Variants in LAMA1 observed in about 807,000 individuals in gnomAD.
LAMA1 encodes the protein laminin subunit alpha 1.
A neutral mutation model predicts 348.7 loss-of-function variants in LAMA1; 219 were observed. The observed-to-expected ratio is 0.63, with a 90% CI of 0.56 to 0.70. The LOEUF is 0.70. Ranked by LOEUF, LAMA1 falls within the 30% of genes least tolerant of loss-of-function variation. LAMA1 has a pLI of 0.00. For missense variants in LAMA1, 3,744 were observed against 3,888.0 expected (o/e 0.96, Z 0.99); for synonymous variants, 1,487 against 1,491.0 (o/e 1.00, Z 0.06).
At chr18:6,997,081 C>CTTTTTCTTTTTT in intron 33 of LAMA1, among the ~76,000 whole-genome samples, 1 of 149,876 alleles carries the variant, frequency 6.7e-6, no homozygotes, top group South Asian at 2.1e-4. Flanking sequence ...TTTTCTTTTT[C>CTTTTTCTTTTTT]TGAGATGGAG....
intron 1 of LAMA1, among the ~76,000 whole-genome samples, chr18:7,106,437 A>G (rs1454149587): frequency 6.7e-6 from 1 of 150,034 alleles, no homozygotes; most frequent in Non-Finnish European, 1.5e-5. Context: ...TCAGCTCACT[A>G]CAACCTCCAC....
intron 1 of LAMA1, among the ~76,000 whole-genome samples, chr18:7,092,498 C>T (rs963641242): frequency 2.0e-5 from 3 of 151,920 alleles, no homozygotes; most frequent in African/African-American, 4.8e-5. Flanking sequence ...TGGTGGCACG[C>T]ACTGTAGTCG....
chr18:7,114,738 C>T (rs955462417), intron 1 of LAMA1, among the ~76,000 whole-genome samples: 2 of 152,040 alleles, frequency 1.3e-5, no homozygotes, highest in African/African-American at 2.4e-5. Context: ...GTTATTTCCC[C>T]ATAACAATTT....
chr18:7,115,812 T>TCCAAAAA (rs1555671000), intron 1 of LAMA1, among the ~76,000 whole-genome samples: 2 of 16,194 alleles, frequency 1.2e-4, no homozygotes, highest in African/African-American at 3.5e-4. Flanking sequence ...CCACTAAAAA[T>TCCAAAAA]ACAAAAAAAA....
At position 7,017,349 on chromosome 18, in the gene LAMA1, C is replaced by G; in HGVS notation, c.2737G>C (p.Val913Leu). ...CAGAGCCCGGTCTCAAGATGGCACACGGCAGAATGGGAGCCTTTCACATGG... is the reference window on the plus strand; with the variant it reads ...CAGAGCCCGGTCTCAAGATGGCACAGGGCAGAATGGGAGCCTTTCACATGG... ...ECHVKGSHSAVCHLETGLCDC... is the reference protein window; with the variant it reads ...ECHVKGSHSALCHLETGLCDC... Residue 913 changes from valine to leucine, a missense_variant, in exon 20 of 63, where the codon GTG becomes CTG. Physicochemically the swap from Val to Leu is conservative, Grantham distance 32. Coordinates refer to ENST00000389658, the MANE Select transcript of LAMA1 (RefSeq NM_005559.4). The G allele has an allele frequency of 6.2e-7, 1 of 1,613,978 alleles. No individual in the cohort carries two copies. The highest frequency in any genetic ancestry group is 2.2e-5 in the East Asian group (1 of 44,880).
At chr18:6,984,285 A>G (rs1008460540) in intron 39 of LAMA1, among the ~76,000 whole-genome samples, 2 of 152,194 alleles carry the variant, frequency 1.3e-5, no homozygotes, top group African/African-American at 4.8e-5. Flanking sequence ...CATTTTTCCA[A>G]TAAGGAGACA....
At chr18:7,032,206 C>T (rs1258138513) in intron 15 of LAMA1, 30 bp from the exon 16 acceptor site, 27 of 1,470,250 alleles carry the variant, frequency 1.8e-5, no homozygotes, top group Non-Finnish European at 2.2e-5. Context: ...CATCCTCTTT[C>T]CACTACGTTA....
Position 6,965,352 on chromosome 18 carries a change from C to G in LAMA1, c.7131G>C (p.Leu2377Phe), listed in dbSNP as rs1311963120. 5 of 1,614,082 alleles carry G rather than the reference C, an allele frequency of 3.1e-6. No homozygotes were observed. Among genetic ancestry groups the G allele is most frequent in the African/African-American group, 2.7e-5 (2 of 74,936 alleles). Residue 2377 changes from leucine to phenylalanine, a missense_variant, in exon 50 of 63, where the codon TTG becomes TTC. Leu to Phe is a conservative substitution (Grantham distance 22). Coordinates refer to ENST00000389658, the MANE Select transcript of LAMA1 (RefSeq NM_005559.4). Reference sequence around the variant, plus strand: ...TTCCATTGTTATAACGTCTGTCTGTCAAAAGGGTAATGGGTCCTGAACCCA... The same window carrying G: ...TTCCATTGTTATAACGTCTGTCTGTGAAAAGGGTAATGGGTCCTGAACCCA... ...TDLGSGPITL[L>F]TDRRYNNGTW...
intron 16 of LAMA1, among the ~76,000 whole-genome samples, chr18:7,030,324 T>G (rs565516): frequency 7.3e-4 from 111 of 152,294 alleles, no homozygotes; most frequent in African/African-American, 2.6e-3. Context: ...GAATGCTCAG[T>G]GCTCTTCAAA....
rs976088225 is a variant in LAMA1, at chr18:7,106,541, G to T, written c.61+11119C>A. 1.8e-4 allele frequency among the ~76,000 whole-genome samples: 28 copies of T among 151,964 alleles called. 1 individual carries two copies. Among genetic ancestry groups the T allele is most frequent in the African/African-American group, 6.5e-4 (27 of 41,370 alleles). On this transcript the variant is annotated intron_variant, in intron 1 of 62. Transcript: ENST00000389658. ...CTCCCAGCTAATTTTTGTATTTTTA[G>T]TAGATTCGGGGTTTCACCATGTTGG...
intron 1 of LAMA1, among the ~76,000 whole-genome samples, chr18:7,109,179 C>T (rs1010096699): frequency 3.9e-5 from 6 of 152,170 alleles, no homozygotes; most frequent in Non-Finnish European, 8.8e-5. Flanking sequence ...AGAGAGGTGC[C>T]AGGGCTGGGT....
intron 9 of LAMA1, among the ~76,000 whole-genome samples, chr18:7,040,887 G>T (rs745589503): frequency 2.6e-5 from 4 of 152,162 alleles, no homozygotes; most frequent in Non-Finnish European, 4.4e-5. Flanking sequence ...AAAGAAGCCA[G>T]TCACCAAAAA....
intron 1 of LAMA1, among the ~76,000 whole-genome samples, chr18:7,108,699 G>A (rs905649544): frequency 1.4e-5 from 2 of 139,862 alleles, no homozygotes; most frequent in African/African-American, 2.7e-5. Flanking sequence ...AACACTGGGA[G>A]CTTCCAAAAG....
At chr18:7,058,137 T>G (rs992644725) in intron 3 of LAMA1, among the ~76,000 whole-genome samples, 5 of 152,066 alleles carry the variant, frequency 3.3e-5, no homozygotes, top group Non-Finnish European at 7.4e-5. Context: ...GTTCCAGTAT[T>G]TTACCAACCT....
At chr18:7,014,457 A>G (rs2057876384) in intron 22 of LAMA1, among the ~76,000 whole-genome samples, 1 of 152,106 alleles carries the variant, frequency 6.6e-6, no homozygotes, top group Non-Finnish European at 1.5e-5. Flanking sequence ...CCCCGTCTCT[A>G]CAAATAATCA....
Position 6,985,588 on chromosome 18 carries a change from T to C in LAMA1, c.5435A>G (p.Gln1812Arg), listed in dbSNP as rs775571936. Residue 1812 changes from glutamine to arginine, a missense_variant, in exon 38 of 63, where the codon CAA (glutamine) becomes CGA (arginine). Gln to Arg is a conservative substitution (Grantham distance 43). This residue lies in a region of LAMA1 where 1,983 missense variants were observed against 1,934.3 expected (regional missense o/e 1.03). Transcript: ENST00000389658. ...EQNLTSELIV[Q>R]GRGLIDAAAA... ...AGCAGCATCTATCAATCCTCTTCCT[T>C]GGACAATGAGCTCTGAGGTCAGATT... The C allele has an allele frequency of 4.3e-6, 7 of 1,614,052 alleles. No individual in the cohort carries two copies. In the Admixed American group the frequency reaches 5.0e-5, roughly 12 times the overall value.
chr18:6,959,778 G>T, intron 53 of LAMA1: 2 of 370,254 alleles, frequency 5.4e-6, no homozygotes, highest in Admixed American at 3.8e-5. Flanking sequence ...CCAATAAGTA[G>T]ATATATTGTA....
chr18:6,961,446 CT>C (rs1357334469), intron 53 of LAMA1, 139 bp downstream of exon 53: 30 of 937,228 alleles, frequency 3.2e-5, no homozygotes, highest in Non-Finnish European at 4.9e-5. Context: ...GCAACAATAA[CT>C]TTTACTTATT....
chr18:7,089,765 G>C lies in LAMA1; in HGVS notation c.62-9308C>G, dbSNP rs189249250. On this transcript the variant is annotated intron_variant, in intron 1 of 62. Coordinates refer to ENST00000389658, the MANE Select transcript of LAMA1 (RefSeq NM_005559.4). The stretch of plus-strand genomic sequence containing the variant: ...TTTCAGGGACATGTTCTCCGTGAAT[G>C]CTGAGGGCTGTGAACACATAGGAAA... 9.8e-5 allele frequency among the ~76,000 whole-genome samples: 15 copies of C among 152,318 alleles called. No individual in the cohort carries two copies. The East Asian group carries it at 1.3e-3, about 14-fold the overall frequency.
Sources: gnomAD v4.1 joint callset for allele counts (sites outside exome capture counted in the v4.1 genomes callset) on GRCh38, gnomAD v4.1.1 for gene constraint, gnomAD v4.1.1 regional missense constraint, MANE v1.5 for transcripts, NCBI Gene and HGNC (gene_info 2026-07-23, HGNC 2026-07-21) for gene names.